The following DEPTOR variants were observed in gnomAD, a reference collection of about 807,000 sequenced individuals.
DEPTOR encodes DEP domain-containing mTOR-interacting protein.
Under a neutral mutation model 41.6 loss-of-function variants are expected in DEPTOR, and 41 were observed. That is an observed-to-expected ratio of 0.98 (90% CI 0.77 to 1.28). The LOEUF is 1.28. Ranked by LOEUF, DEPTOR falls within the 50% of genes most tolerant of loss-of-function variation. The probability of loss-of-function intolerance (pLI) is 0.00; values close to 1 mark genes in which losing one functional copy is unlikely to be tolerated. For missense variants in DEPTOR, 514 were observed against 527.9 expected, an observed-to-expected ratio of 0.97 and a Z score of 0.26; for synonymous variants, 195 against 192.3, an observed-to-expected ratio of 1.01 and a Z score of -0.12.
intron 3 of DEPTOR, among the ~76,000 whole-genome samples, chr8:119,954,845 GGTGT>G (rs10649943): frequency 1.5e-3 from 225 of 148,014 alleles, no homozygotes; most frequent in East Asian, 5.0e-3. Flanking sequence ...GGCAAATATT[GGTGT>G]GTGTGTGTGT....
At chr8:119,994,219 G>C (rs1812221115) in intron 4 of DEPTOR, among the ~76,000 whole-genome samples, 1 of 152,130 alleles carries the variant, frequency 6.6e-6, no homozygotes, top group Admixed American at 6.5e-5. Flanking sequence ...GGGAGGCAGA[G>C]GCAGGGCAAT....
chr8:119,921,449 G>A (rs9987297), intron 1 of DEPTOR, among the ~76,000 whole-genome samples: 42,615 of 152,006 alleles, frequency 0.28, 6,427 homozygotes, highest in Middle Eastern at 0.4. Context: ...AGAAGTCTGT[G>A]TTTCTGACTA....
intron 1 of DEPTOR, among the ~76,000 whole-genome samples, chr8:119,920,016 T>C (rs1827869375): frequency 6.6e-6 from 1 of 152,182 alleles, no homozygotes; most frequent in Admixed American, 6.5e-5. Flanking sequence ...GCTGGTTAGC[T>C]GGACAGGAAT....
rs1263984179 is a variant in DEPTOR at position 119,978,563 on chromosome 8, T to C, written c.604+13153T>C. On this transcript the variant is annotated intron_variant, in intron 4 of 8. Coordinates refer to ENST00000286234, the MANE Select transcript of DEPTOR (RefSeq NM_022783.4). ...AGTTGAGAGGCTCTCCTTTAAGCAG[T>C]GAATTGTTTCCATTCTCTTTCCATC... Among the ~76,000 whole-genome samples the C allele has an allele frequency of 6.6e-5, 10 of 152,280 alleles. 1 individual carries two copies. The highest frequency in any genetic ancestry group is 1.2e-4 in the Non-Finnish European group (8 of 68,018).
chr8:120,005,372 C>T (rs1047489458), intron 6 of DEPTOR, among the ~76,000 whole-genome samples: 3 of 152,266 alleles, frequency 2.0e-5, no homozygotes, highest in African/African-American at 7.2e-5. Flanking sequence ...AGATCAGCAA[C>T]CTGTCACCTC....
chr8:119,946,885 C>A (rs1828285657), intron 3 of DEPTOR, among the ~76,000 whole-genome samples: 1 of 152,146 alleles, frequency 6.6e-6, no homozygotes, highest in South Asian at 2.1e-4. Flanking sequence ...GTTTCACCTG[C>A]CACCTGATGC....
chr8:119,883,868 T>C (rs1433191767), intron 1 of DEPTOR, among the ~76,000 whole-genome samples: 2 of 152,164 alleles, frequency 1.3e-5, no homozygotes, highest in African/African-American at 2.4e-5. Context: ...AGGCACTCCT[T>C]TGAGTGATGA....
intron 1 of DEPTOR, chr8:119,874,276 T>G: frequency 2.1e-5 from 8 of 375,608 alleles, no homozygotes; most frequent in East Asian, 6.5e-5. Flanking sequence ...GCTGTCCGTC[T>G]TCCCGTGTAC....
chr8:120,015,176 C>T (rs1423830924), intron 8 of DEPTOR, among the ~76,000 whole-genome samples: 1 of 152,156 alleles, frequency 6.6e-6, no homozygotes, highest in Non-Finnish European at 1.5e-5. Context: ...ATAATCCGGG[C>T]CCTGCTTATC....
At chr8:120,043,975 G>T (rs1813117713) in intron 8 of DEPTOR, among the ~76,000 whole-genome samples, 2 of 151,508 alleles carry the variant, frequency 1.3e-5, no homozygotes, top group South Asian at 4.2e-4. Context: ...TCCTGCCACT[G>T]CACTCTTGCC....
intron 1 of DEPTOR, among the ~76,000 whole-genome samples, chr8:119,895,251 A>G (rs1000017333): frequency 1.3e-5 from 2 of 152,166 alleles, no homozygotes; most frequent in Non-Finnish European, 2.9e-5. Context: ...TCCTGCATTG[A>G]GCCTTTTAGT....
intron 4 of DEPTOR, among the ~76,000 whole-genome samples, chr8:119,985,937 G>T (rs1309278465): frequency 1.4e-5 from 2 of 141,514 alleles, no homozygotes; most frequent in African/African-American, 5.2e-5. Context: ...ACATGAGATG[G>T]GTCTCCTGAA....
At chr8:120,025,256 G>A (rs982957884) in intron 8 of DEPTOR, among the ~76,000 whole-genome samples, 13 of 152,174 alleles carry the variant, frequency 8.5e-5, no homozygotes, top group Non-Finnish European at 1.8e-4. Context: ...GGCATATTTG[G>A]ACATTTCACT....
Position 120,003,087 on chromosome 8 carries a change from C to A in DEPTOR, c.901C>A (p.Pro301Thr), listed in dbSNP as rs781158672. 1.2e-5 allele frequency: 20 copies of A among 1,612,882 alleles called. No individual in the cohort carries two copies. In the Admixed American group the frequency reaches 2.3e-4, roughly 19 times the overall value. The change falls in exon 6 of 9, where the codon CCT (proline) becomes ACT (threonine). Residue 301 changes from proline to threonine, a missense_variant. Pro to Thr is a conservative substitution (Grantham distance 38). Transcript: ENST00000286234. ...SSSPTLSSSP[P>T]VLCNPKSVLK... ...CAGCCCCACCCTCAGCAGCAGCCCC[C>A]CTGTGCTCTGCAACCCCAAGTCCGG...
intron 1 of DEPTOR, among the ~76,000 whole-genome samples, chr8:119,920,002 A>G (rs1827869198): frequency 6.6e-6 from 1 of 152,234 alleles, no homozygotes; most frequent in Non-Finnish European, 1.5e-5. Context: ...ATGCAATTTC[A>G]GCAGCTGGTT....
At chr8:120,035,212 C>A (rs537737040) in intron 8 of DEPTOR, among the ~76,000 whole-genome samples, 1 of 151,932 alleles carries the variant, frequency 6.6e-6, no homozygotes, top group African/African-American at 2.4e-5. Context: ...CCCAGCTACT[C>A]AGGAGGCTGA....
chr8:120,021,862 T>C (rs867349778), intron 8 of DEPTOR, among the ~76,000 whole-genome samples: 5 of 152,234 alleles, frequency 3.3e-5, no homozygotes, highest in Middle Eastern at 3.4e-3. Context: ...GCATGGATTG[T>C]GGCTGGGTGT....
At chr8:119,967,000 T>C (rs1828570517) in intron 4 of DEPTOR, among the ~76,000 whole-genome samples, 1 of 152,212 alleles carries the variant, frequency 6.6e-6, no homozygotes, top group African/African-American at 2.4e-5. Flanking sequence ...AGATTCTTTT[T>C]GGCCTCTCTG....
intron 1 of DEPTOR, among the ~76,000 whole-genome samples, chr8:119,895,229 T>C (rs13263147): frequency 5.3e-5 from 8 of 152,228 alleles, no homozygotes; most frequent in Non-Finnish European, 1.2e-4. Flanking sequence ...GACTTAAAAG[T>C]ATGGGTGCCC....
Sources: allele counts gnomAD v4.1 joint callset (sites outside exome capture counted in the v4.1 genomes callset), GRCh38; gene constraint gnomAD v4.1.1; transcripts MANE v1.5; gene names NCBI Gene and HGNC (gene_info 2026-07-23, HGNC 2026-07-21).